PTPRJ: variants seen among roughly 807,000 people sequenced by gnomAD.
PTPRJ encodes receptor-type tyrosine-protein phosphatase eta.
A neutral mutation model predicts 141.3 loss-of-function variants in PTPRJ; 129 were observed. That is an observed-to-expected ratio of 0.91 (90% CI 0.79 to 1.06). The LOEUF (loss-of-function observed/expected upper bound fraction) is 1.06. Ranked by LOEUF, PTPRJ falls within the 50% of genes least tolerant of loss-of-function variation. The pLI is 0.00. For missense variants in PTPRJ, 1,601 were observed against 1,679.7 expected (o/e 0.95, Z 0.82); for synonymous variants, 610 against 640.5 (o/e 0.95, Z 0.72).
chr11:48,030,488 T>A (rs1853951059), intron 1 of PTPRJ, among the ~76,000 whole-genome samples: 1 of 152,110 alleles, frequency 6.6e-6, no homozygotes, highest in Non-Finnish European at 1.5e-5. Context: ...AAGGCACAGA[T>A]CAAGAGGAGG....
intron 1 of PTPRJ, among the ~76,000 whole-genome samples, chr11:48,077,072 G>A (rs1056732646): frequency 1.3e-5 from 2 of 152,048 alleles, no homozygotes; most frequent in Non-Finnish European, 2.9e-5. Context: ...CTCCATGTTG[G>A]TCAGGCTGGT....
intron 1 of PTPRJ, among the ~76,000 whole-genome samples, chr11:48,064,900 C>T (rs140402339): frequency 1.3e-4 from 20 of 150,762 alleles, no homozygotes; most frequent in African/African-American, 4.6e-4. Flanking sequence ...GGATTACAGG[C>T]GTGAGCCACT....
intron 1 of PTPRJ, chr11:48,015,981 C>G (rs1443724529): frequency 6.6e-6 from 1 of 152,050 alleles, no homozygotes; most frequent in African/African-American, 2.4e-5. Context: ...TTCCAACATA[C>G]TCAGTGCCTT....
intron 1 of PTPRJ, among the ~76,000 whole-genome samples, chr11:48,019,229 G>A: frequency 6.6e-6 from 1 of 152,098 alleles, no homozygotes; most frequent in South Asian, 2.1e-4. Context: ...GCGGGCACTT[G>A]GCCTTTATAA....
intron 1 of PTPRJ, among the ~76,000 whole-genome samples, chr11:48,079,631 A>T (rs1041982958): frequency 6.6e-6 from 1 of 152,128 alleles, no homozygotes; most frequent in African/African-American, 2.4e-5. Context: ...GTAGGAGGGC[A>T]GAGGAAGAGG....
intron 19 of PTPRJ, among the ~76,000 whole-genome samples, chr11:48,155,187 A>G (rs1167218198): frequency 6.6e-6 from 1 of 152,210 alleles, no homozygotes; most frequent in African/African-American, 2.4e-5. Context: ...TAGTAGTCTT[A>G]TACATTCAAT....
Position 48,164,533 on chromosome 11 carries a change from AT to A in PTPRJ, c.3855+21del, listed in dbSNP as rs1220832286. Reference sequence around the variant, plus strand: ...AGACAGAGGTGAGGCCAAGATCTGTATTTGACATTCCACCCTTCCCCTCCAT... The same window carrying A: ...AGACAGAGGTGAGGCCAAGATCTGTATTGACATTCCACCCTTCCCCTCCAT... On this transcript the variant is annotated intron_variant, in intron 24 of 24. Transcript: ENST00000418331. 8 of 1,243,824 alleles carry A rather than the reference AT, an allele frequency of 6.4e-6. No individual in the cohort carries two copies. Among genetic ancestry groups the A allele is most frequent in the Non-Finnish European group, 1.1e-6 (1 of 913,566 alleles). The allele number at this position is 1,243,824 out of a possible 1,614,324, so 77.0% of individuals were successfully genotyped here. A position where few individuals can be genotyped will look rare whatever the true frequency, so the allele number is the denominator to read the frequency against.
At chr11:48,125,929 A>T (rs1434383181) in intron 6 of PTPRJ, among the ~76,000 whole-genome samples, 1 of 152,044 alleles carries the variant, frequency 6.6e-6, no homozygotes, top group Non-Finnish European at 1.5e-5. Context: ...CGGCCGTAGG[A>T]CAGGCTGCCT....
At chr11:48,010,235 T>G (rs945341216) in intron 1 of PTPRJ, among the ~76,000 whole-genome samples, 7 of 151,996 alleles carry the variant, frequency 4.6e-5, no homozygotes, top group Non-Finnish European at 8.8e-5. Flanking sequence ...TGGAGTAGAG[T>G]GGCGTTATCA....
intron 4 of PTPRJ, 103 bp from the exon 5 acceptor site, chr11:48,123,510 T>A (rs1411889601): frequency 8.0e-7 from 1 of 1,257,836 alleles, no homozygotes; most frequent in Non-Finnish European, 1.1e-6. Context: ...ATTCTTTCTT[T>A]TTTTCTTTTA....
intron 1 of PTPRJ, among the ~76,000 whole-genome samples, chr11:48,098,292 G>A (rs761810601): frequency 6.6e-6 from 1 of 152,238 alleles, no homozygotes; most frequent in Non-Finnish European, 1.5e-5. Context: ...TGGTGGGTAG[G>A]AAGTGTGTGA....
At position 48,167,190 on chromosome 11, in the gene PTPRJ, C is replaced by G. The variant is rs748665348; in HGVS notation, c.3856-14C>G. On this transcript the variant is annotated splice_polypyrimidine_tract_variant and intron_variant, in intron 24 of 24. Coordinates refer to ENST00000418331, the MANE Select transcript of PTPRJ (RefSeq NM_002843.4). ...ATGTTCATTTTCTGTCTCTCTCTTT[C>G]GTTTTTCTATCAGGACCAGTATGTT... The G allele has an allele frequency of 6.3e-7, 1 of 1,597,968 alleles. No individual in the cohort carries two copies. Among genetic ancestry groups the G allele is most frequent in the Admixed American group, 1.7e-5 (1 of 57,772 alleles).
intron 1 of PTPRJ, 31 bp downstream of exon 1, chr11:47,981,039 A>AG: frequency 1.1e-6 from 1 of 886,874 alleles, no homozygotes; most frequent in Non-Finnish European, 1.4e-6. Context: ...GGCGGGGGGC[A>AG]GGAGGCTGGG....
At chr11:48,100,670 G>T (rs1045120191) in intron 1 of PTPRJ, among the ~76,000 whole-genome samples, 2 of 152,104 alleles carry the variant, frequency 1.3e-5, no homozygotes, top group African/African-American at 4.8e-5. Flanking sequence ...ATCACCGGAG[G>T]TCAGGAGTTT....
chr11:48,147,061 A>G, intron 15 of PTPRJ, 98 bp downstream of exon 15: 2 of 992,242 alleles, frequency 2.0e-6, no homozygotes, highest in Non-Finnish European at 3.2e-6. Flanking sequence ...GAATGATATG[A>G]TGAGCGCCAT....
rs750849741 is a variant in PTPRJ, at chr11:48,143,022, C to G, written c.2547C>G (p.Ala849=). 1 of 1,614,134 alleles carries G rather than the reference C, an allele frequency of 6.2e-7. No homozygotes were observed. The highest frequency in any genetic ancestry group is 2.2e-5 in the East Asian group (1 of 44,888). The part of the protein sequence containing the change: ...GFEASHGPIK[A]YAVILTTGEA... ...AAGCCAGCCACGGACCCATCAAAGC[C>G]TATGCTGTCATTCTCACCACCGGGG... The change falls in exon 12 of 25, where the codon GCC becomes GCG. Residue 849 remains alanine, a synonymous_variant. Coordinates refer to ENST00000418331, the MANE Select transcript of PTPRJ (RefSeq NM_002843.4).
chr11:48,113,921 A>G (rs1307233113), intron 3 of PTPRJ, among the ~76,000 whole-genome samples: 2 of 152,200 alleles, frequency 1.3e-5, no homozygotes, highest in Non-Finnish European at 1.5e-5. Flanking sequence ...TTAAGAAGTT[A>G]AAAGGGCCCT....
chr11:48,012,449 G>A (rs1242579964), intron 1 of PTPRJ, among the ~76,000 whole-genome samples: 1 of 152,134 alleles, frequency 6.6e-6, no homozygotes, highest in Non-Finnish European at 1.5e-5. Context: ...AAGCACCAAG[G>A]GAGTAAATAT....
At chr11:48,120,615 T>G (rs970026306) in intron 3 of PTPRJ, among the ~76,000 whole-genome samples, 1 of 152,094 alleles carries the variant, frequency 6.6e-6, no homozygotes, top group Non-Finnish European at 1.5e-5. Context: ...TTTTTTGTTT[T>G]TTTAGTAGAG....
Sources: allele counts gnomAD v4.1 joint callset (sites outside exome capture counted in the v4.1 genomes callset), GRCh38; gene constraint gnomAD v4.1.1; transcripts MANE v1.5; gene names NCBI Gene and HGNC (gene_info 2026-07-23, HGNC 2026-07-21).